Variants in CKMT2 observed in about 807,000 individuals in gnomAD.
The protein encoded by CKMT2 is creatine kinase, mitochondrial 2, also known as creatine kinase S-type, mitochondrial.
A neutral mutation model predicts 48.9 loss-of-function variants in CKMT2; 43 were observed. The ratio of observed to expected loss-of-function variants is 0.88; its 90% CI spans 0.69 to 1.13. The LOEUF (loss-of-function observed/expected upper bound fraction) is 1.13, where lower values mean the gene tolerates loss of function less well. Ranked by LOEUF, CKMT2 falls within the 50% of genes most tolerant of loss-of-function variation. CKMT2 has a pLI of 0.00. For synonymous variants in CKMT2, 206 were observed against 213.0 expected (o/e 0.97, Z 0.29); for missense variants, 472 against 555.4 (o/e 0.85, Z 1.51).
At chr5:81,256,279 T>C (rs151012365) in intron 5 of CKMT2, among the ~76,000 whole-genome samples, 7 of 151,964 alleles carry the variant, frequency 4.6e-5, no homozygotes, top group Non-Finnish European at 8.8e-5. Context: ...ATCTATACTC[T>C]GCTACTTCCT....
intron 6 of CKMT2, among the ~76,000 whole-genome samples, chr5:81,257,369 CA>C (rs942630718): frequency 3.3e-5 from 5 of 152,186 alleles, no homozygotes; most frequent in South Asian, 2.1e-4. Flanking sequence ...AGGTAACCCC[CA>C]CCCGCTTTTT....
Position 81,263,462 on chromosome 5 carries a change from C to G in CKMT2, c.1015-29C>G, listed in dbSNP as rs779311742. On this transcript the variant is annotated intron_variant, in intron 8 of 9. Coordinates refer to ENST00000254035, the MANE Select transcript of CKMT2 (RefSeq NM_001099735.2). The stretch of plus-strand genomic sequence containing the variant: ...ATTATGAATCAATTTTGCCTCTTAG[C>G]ACATTTAAGTATTATCCCTTTGTCC... The G allele has an allele frequency of 4.0e-6, 6 of 1,514,724 alleles. No homozygotes were observed. In the African/African-American group the frequency reaches 6.9e-5, roughly 17 times the overall value. 93.8% of individuals were successfully genotyped at this position (1,514,724 alleles called of 1,614,324 possible).
At chr5:81,260,505 A>G (rs1329336643) in intron 8 of CKMT2, among the ~76,000 whole-genome samples, 2 of 152,234 alleles carry the variant, frequency 1.3e-5, no homozygotes, top group African/African-American at 4.8e-5. Flanking sequence ...AGAATCAAAC[A>G]GACACAATAA....
intron 8 of CKMT2, 126 bp downstream of exon 8, chr5:81,259,380 A>G (rs1482078575): frequency 3.4e-6 from 3 of 892,626 alleles, no homozygotes; most frequent in East Asian, 3.0e-5. Context: ...TATAAAAATA[A>G]GAAAAAAATT....
At chr5:81,249,004 T>C (rs1756706337) in intron 1 of CKMT2, among the ~76,000 whole-genome samples, 1 of 152,104 alleles carries the variant, frequency 6.6e-6, no homozygotes, top group African/African-American at 2.4e-5. Context: ...TTGGAGCATC[T>C]TGCAGCTGAG....
At chr5:81,249,235 T>C (rs937066925) in intron 1 of CKMT2, among the ~76,000 whole-genome samples, 1 of 152,076 alleles carries the variant, frequency 6.6e-6, no homozygotes, top group Non-Finnish European at 1.5e-5. Context: ...TTTTTTGTAA[T>C]TTTAGTAGAG....
chr5:81,240,039 C>T (rs901348441), intron 1 of CKMT2, among the ~76,000 whole-genome samples: 2 of 152,076 alleles, frequency 1.3e-5, no homozygotes, highest in Non-Finnish European at 2.9e-5. Flanking sequence ...CCTCCTCACC[C>T]CCTCTTTCCC....
chr5:81,250,003 C>G (rs890469110), intron 1 of CKMT2, among the ~76,000 whole-genome samples: 3 of 152,140 alleles, frequency 2.0e-5, no homozygotes, highest in Non-Finnish European at 4.4e-5. Context: ...ATCATGGATT[C>G]TTTTATCAGT....
intron 1 of CKMT2, among the ~76,000 whole-genome samples, chr5:81,234,975 G>A (rs1040010908): frequency 2.6e-5 from 4 of 152,188 alleles, no homozygotes. Flanking sequence ...GAAGGTGACT[G>A]CTGGAGGTCA....
chr5:81,243,035 A>T (rs1162753435), intron 1 of CKMT2, among the ~76,000 whole-genome samples: 3 of 152,238 alleles, frequency 2.0e-5, no homozygotes, highest in Non-Finnish European at 4.4e-5. Context: ...TGCTGGCTGT[A>T]GGACTAGCTA....
At chr5:81,237,511 A>C (rs1000196565) in intron 1 of CKMT2, 1 of 135,024 alleles carries the variant, frequency 7.4e-6, no homozygotes, top group African/African-American at 2.8e-5. Context: ...GGAGAGACTC[A>C]TTCAAAAAAG....
Position 81,254,434 on chromosome 5 carries a change from A to G in CKMT2, c.390A>G (p.Arg130=), listed in dbSNP as rs1181510161. ...TTTTTGACCCCGTCATCAAACTAAG[A>G]CACAACGGCTATGACCCCAGGGTGA... ...ADLFDPVIKL[R]HNGYDPRVMK... is the part of the protein sequence containing the mutation. The change falls in exon 4 of 10, where the codon AGA becomes AGG. Residue 130 remains arginine, a synonymous_variant. Coordinates refer to ENST00000254035, the MANE Select transcript of CKMT2 (RefSeq NM_001099735.2). 6.2e-7 allele frequency: 1 copy of G among 1,614,034 alleles called. No individual in the cohort carries two copies.
intron 1 of CKMT2, chr5:81,239,444 G>A (rs947916870): frequency 6.6e-6 from 1 of 152,144 alleles, no homozygotes; most frequent in Non-Finnish European, 1.5e-5. Flanking sequence ...CTGGGCTGAG[G>A]GGAATGGCCA....
chr5:81,251,153 GTTGCTAAC>G lies in CKMT2; in HGVS notation c.23_30del (p.Leu8TrpfsTer36). 1 of 1,614,002 alleles carries G rather than the reference GTTGCTAAC, an allele frequency of 6.2e-7. No homozygotes were observed. The highest frequency in any genetic ancestry group is 8.5e-7 in the Non-Finnish European group (1 of 1,179,944). On this transcript the variant is annotated frameshift_variant, in exon 2 of 10. Coordinates refer to ENST00000254035, the MANE Select transcript of CKMT2 (RefSeq NM_001099735.2). LOFTEE classifies it high-confidence loss of function. ...GAAGGATGGCCAGTATCTTTTCTAAGTTGCTAACTGGCCGCAATGCTTCTCTGCTGTTT... is the reference window on the plus strand; with the variant it reads ...GAAGGATGGCCAGTATCTTTTCTAAGTGGCCGCAATGCTTCTCTGCTGTTT...
intron 3 of CKMT2, 96 bp from the exon 4 acceptor site, chr5:81,254,300 C>T: frequency 1.0e-6 from 1 of 993,796 alleles, no homozygotes; most frequent in East Asian, 2.4e-5. Context: ...AGGGCATCAA[C>T]TTTGGCTTTT....
intron 8 of CKMT2, among the ~76,000 whole-genome samples, chr5:81,261,040 T>C (rs895235058): frequency 3.9e-5 from 6 of 152,224 alleles, no homozygotes; most frequent in African/African-American, 1.4e-4. Context: ...GCTTCATCTC[T>C]GAGATGCAAG....
intron 5 of CKMT2, among the ~76,000 whole-genome samples, chr5:81,255,644 G>A (rs1756979375): frequency 6.6e-6 from 1 of 152,144 alleles, no homozygotes; most frequent in South Asian, 2.1e-4. Flanking sequence ...GGCCTGCCCT[G>A]ACTCTTGTGG....
rs537621943 is a variant in CKMT2 at position 81,256,114 on chromosome 5, A to G, written c.670-801A>G. ...TCTCTTACGTGTGTAATCATATTTG[A>G]ATATATCTCTCTGTAGAGTATGTGT... On this transcript the variant is annotated intron_variant, in intron 5 of 9. Transcript: ENST00000254035. Among the ~76,000 whole-genome samples, 12 of 152,318 alleles carry G rather than the reference A, an allele frequency of 7.9e-5. No homozygotes were observed. The South Asian group carries it at 1.2e-3, about 16-fold the overall frequency.
rs1580463261 is a variant in CKMT2 at position 81,266,145 on chromosome 5, C to T, written c.1147C>T (p.Leu383Phe). The T allele has an allele frequency of 1.2e-6, 2 of 1,612,272 alleles. No homozygotes were observed. The highest frequency in any genetic ancestry group is 2.2e-5 in the South Asian group (2 of 90,986). The part of the protein sequence containing the change: ...IDRIGRSEVE[L>F]VQIVIDGVNY... ...ATCTTCTTCACTGTCAAAGGTTGAG[C>T]TTGTTCAGATAGTCATCGATGGAGT... The change falls in exon 10 of 10, where the codon CTT (leucine) becomes TTT (phenylalanine). Residue 383 changes from leucine (L) to phenylalanine (F), a missense_variant. Coordinates refer to ENST00000254035, the MANE Select transcript of CKMT2 (RefSeq NM_001099735.2).
Sources: allele counts gnomAD v4.1 joint callset (sites outside exome capture counted in the v4.1 genomes callset), GRCh38; gene constraint gnomAD v4.1.1; transcripts MANE v1.5; gene names NCBI Gene and HGNC (gene_info 2026-07-23, HGNC 2026-07-21).